The following AKAP19 variants were observed in gnomAD, a reference collection of about 807,000 sequenced individuals.
AKAP19 encodes the protein A-kinase anchoring protein 19.
the AKAP19 span, among the ~76,000 whole-genome samples, chr2:189,977,847 C>A: frequency 7.9e-5 from 12 of 152,338 alleles, no homozygotes; most frequent in East Asian, 2.3e-3. Context: ...ATTTGAATTA[C>A]AAATTTTCAA....
the AKAP19 span, chr2:190,201,238 TTC>T: frequency 1.8e-5 from 3 of 167,028 alleles, no homozygotes; most frequent in Non-Finnish European, 2.9e-5. Context: ...AAGCTATTTT[TTC>T]TCTTTCATTT....
the AKAP19 span, among the ~76,000 whole-genome samples, chr2:190,142,854 A>G: frequency 6.6e-5 from 10 of 152,276 alleles, no homozygotes; most frequent in Admixed American, 3.9e-4. Flanking sequence ...TACACCCTCA[A>G]TAAAAGGCAG....
the AKAP19 span, among the ~76,000 whole-genome samples, chr2:190,182,973 A>C: frequency 6.6e-6 from 1 of 152,172 alleles, no homozygotes; most frequent in Non-Finnish European, 1.5e-5. Context: ...TCATCATGTT[A>C]ATTCTACTTT....
the AKAP19 span, among the ~76,000 whole-genome samples, chr2:190,041,226 C>A: frequency 6.6e-6 from 1 of 151,498 alleles, no homozygotes; most frequent in South Asian, 2.1e-4. Context: ...ATTGTAGAGC[C>A]CTTTCTTCTT....
chr2:190,032,090 C>CT, the AKAP19 span, among the ~76,000 whole-genome samples: 1 of 152,036 alleles, frequency 6.6e-6, no homozygotes, highest in African/African-American at 2.4e-5. Context: ...CAAATATTCT[C>CT]TTTTTTGCAA....
chr2:190,165,176 C>T, the AKAP19 span, among the ~76,000 whole-genome samples: 2 of 152,144 alleles, frequency 1.3e-5, no homozygotes, highest in Non-Finnish European at 2.9e-5. Context: ...GTGGCTCACA[C>T]CTGTAATCCC....
chr2:189,993,607 T>G, the AKAP19 span, among the ~76,000 whole-genome samples: 1 of 152,212 alleles, frequency 6.6e-6, no homozygotes, highest in Non-Finnish European at 1.5e-5. Flanking sequence ...CCTGATAGAA[T>G]TCAGCTGTGA....
chr2:190,115,922 A>G, the AKAP19 span, among the ~76,000 whole-genome samples: 3 of 152,130 alleles, frequency 2.0e-5, no homozygotes, highest in African/African-American at 7.2e-5. Context: ...GATGAAAGTA[A>G]TGGGCAATGT....
At chr2:190,201,895 A>T in the AKAP19 span, 1 of 167,060 alleles carries the variant, frequency 6.0e-6, no homozygotes, top group South Asian at 2.1e-4. Context: ...ACAAAAGCCT[A>T]GGTGTGGTTG....
the AKAP19 span, among the ~76,000 whole-genome samples, chr2:189,908,239 G>T: frequency 5.3e-5 from 8 of 149,862 alleles, no homozygotes; most frequent in African/African-American, 2.0e-4. Context: ...TGTTGCTTAG[G>T]CTGGAGTGCA....
At chr2:189,917,240 CT>C in the AKAP19 span, 39 of 1,186,188 alleles carry the variant, frequency 3.3e-5, no homozygotes, top group Non-Finnish European at 2.6e-5. Context: ...TTTCATCAAG[CT>C]TTTACAAACA....
At chr2:189,971,611 G>C in the AKAP19 span, among the ~76,000 whole-genome samples, 1 of 152,110 alleles carries the variant, frequency 6.6e-6, no homozygotes, top group Non-Finnish European at 1.5e-5. Context: ...CAGTGTAAAA[G>C]TGTTCCTATT....
the AKAP19 span, among the ~76,000 whole-genome samples, chr2:189,941,995 A>C: frequency 6.6e-6 from 1 of 152,226 alleles, no homozygotes; most frequent in Admixed American, 6.5e-5. Flanking sequence ...ACTGGAAACC[A>C]AAAAAGAGCA....
chr2:190,188,469 C>T, the AKAP19 span, among the ~76,000 whole-genome samples: 1 of 152,192 alleles, frequency 6.6e-6, no homozygotes, highest in Admixed American at 6.5e-5. Context: ...ACTTCCCAAC[C>T]TGACAAATGA....
At chr2:190,135,450 T>G in the AKAP19 span, among the ~76,000 whole-genome samples, 1 of 152,240 alleles carries the variant, frequency 6.6e-6, no homozygotes, top group East Asian at 1.9e-4. Context: ...CTCTGCTTTA[T>G]GCAACTTTCA....
At chr2:190,003,914 T>G in the AKAP19 span, among the ~76,000 whole-genome samples, 5 of 152,168 alleles carry the variant, frequency 3.3e-5, no homozygotes, top group African/African-American at 1.2e-4. Flanking sequence ...TTAATTCAAA[T>G]AAATTCTAAT....
the AKAP19 span, among the ~76,000 whole-genome samples, chr2:190,143,353 G>A: frequency 4.0e-5 from 6 of 149,278 alleles, no homozygotes; most frequent in African/African-American, 1.5e-4. Context: ...GCCGTTCCCT[G>A]TGCTTGAAAT....
chr2:189,959,090 G>A, the AKAP19 span, among the ~76,000 whole-genome samples: 2 of 151,854 alleles, frequency 1.3e-5, no homozygotes, highest in Non-Finnish European at 2.9e-5. Flanking sequence ...TAAACTGGGT[G>A]ATGGAATATA....
chr2:190,081,181 T>G, the AKAP19 span, among the ~76,000 whole-genome samples: 1 of 152,102 alleles, frequency 6.6e-6, no homozygotes, highest in African/African-American at 2.4e-5. Flanking sequence ...AGCCATGCTT[T>G]CTCTGAGCCA....
Sources: gnomAD v4.1 joint callset for allele counts (sites outside exome capture counted in the v4.1 genomes callset) on GRCh38, gnomAD v4.1.1 for gene constraint, MANE v1.5 for transcripts, NCBI Gene and HGNC (gene_info 2026-07-23, HGNC 2026-07-21) for gene names.